The following PIEZO2 variants were observed in gnomAD, a reference collection of about 807,000 sequenced individuals.
The protein encoded by PIEZO2 is piezo-type mechanosensitive ion channel component 2.
Under a neutral mutation model 337.3 loss-of-function variants are expected in PIEZO2, and 172 were observed. The observed-to-expected ratio is 0.51, with a 90% CI of 0.45 to 0.58. The LOEUF is 0.58. Ranked by LOEUF, PIEZO2 falls within the 20% of genes least tolerant of loss-of-function variation. The pLI is 0.00. For missense variants in PIEZO2, 3,028 were observed against 3,391.3 expected, an observed-to-expected ratio of 0.89 and a Z score of 2.66; for synonymous variants, 1,251 against 1,228.5, an observed-to-expected ratio of 1.02 and a Z score of -0.38.
At chr18:10,725,038 G>C (rs536300004) in intron 36 of PIEZO2, 1 of 1,579,968 alleles carries the variant, frequency 6.3e-7, no homozygotes, top group Non-Finnish European at 8.7e-7. Flanking sequence ...CTGCATGTTG[G>C]TGGCCCTGCG....
At chr18:10,678,184 A>T (rs1383831282) in intron 52 of PIEZO2, among the ~76,000 whole-genome samples, 4 of 152,266 alleles carry the variant, frequency 2.6e-5, no homozygotes. Flanking sequence ...TTCTTATATC[A>T]ACCCAATGAT....
chr18:10,916,837 G>T (rs1396157403), intron 3 of PIEZO2, among the ~76,000 whole-genome samples: 1 of 152,202 alleles, frequency 6.6e-6, no homozygotes, highest in East Asian at 1.9e-4. Flanking sequence ...TCACCTCTCA[G>T]TTCTAGTCTT....
intron 47 of PIEZO2, among the ~76,000 whole-genome samples, chr18:10,691,751 T>C (rs1345117061): frequency 2.1e-5 from 2 of 94,312 alleles, no homozygotes; most frequent in African/African-American, 4.7e-5. Context: ...ATATATGATA[T>C]ATTAAAAATA....
At chr18:10,787,234 A>G (rs1237830765) in intron 15 of PIEZO2, 50 bp from the exon 16 acceptor site, 3 of 1,448,380 alleles carry the variant, frequency 2.1e-6, no homozygotes, top group Non-Finnish European at 2.7e-6. Context: ...CACTTTTAGG[A>G]AAACTCACAA....
intron 7 of PIEZO2, among the ~76,000 whole-genome samples, chr18:10,842,183 T>C (rs1444394318): frequency 6.6e-6 from 1 of 152,154 alleles, no homozygotes; most frequent in East Asian, 1.9e-4. Context: ...TGTGCATTTT[T>C]TTATTTTTGT....
At chr18:10,807,610 T>C (rs746668357) in intron 7 of PIEZO2, among the ~76,000 whole-genome samples, 8 of 152,216 alleles carry the variant, frequency 5.3e-5, no homozygotes, top group Non-Finnish European at 1.0e-4. Flanking sequence ...TAATTATTAA[T>C]CAGCCCTATT....
At chr18:10,803,234 C>G (rs78613065) in intron 9 of PIEZO2, among the ~76,000 whole-genome samples, 24 of 152,112 alleles carry the variant, frequency 1.6e-4, no homozygotes, top group Non-Finnish European at 3.2e-4. Flanking sequence ...TTACAGGTAT[C>G]GAACTCTACC....
intron 1 of PIEZO2, among the ~76,000 whole-genome samples, chr18:11,133,794 CTA>C (rs2040405291): frequency 7.1e-6 from 1 of 141,230 alleles, no homozygotes; most frequent in South Asian, 2.3e-4. Flanking sequence ...ACTCCTCTCT[CTA>C]TATATATGTG....
At chr18:11,142,864 G>C (rs530373040) in intron 1 of PIEZO2, among the ~76,000 whole-genome samples, 40 of 151,466 alleles carry the variant, frequency 2.6e-4, no homozygotes, top group African/African-American at 9.2e-4. Context: ...GGATCACGAG[G>C]TCAGGAGATC....
chr18:10,709,621 A>T (rs193089275), intron 39 of PIEZO2: 3 of 152,450 alleles, frequency 2.0e-5, no homozygotes, highest in Admixed American at 1.3e-4. Context: ...TGAGGCAGAG[A>T]TGGAAGACTT....
rs2144533173 is a variant in PIEZO2 at position 10,830,425 on chromosome 18, C to CT, written c.918-23152dup. On this transcript the variant is annotated intron_variant, in intron 7 of 55. Coordinates refer to ENST00000674853, the MANE Select transcript of PIEZO2 (RefSeq NM_001378183.1). The surrounding 1 kb of genome is among the most constrained non-coding windows in gnomAD (Gnocchi z 4.7). ...CACAAGCACAGACAACCAATGCAAC[C>CT]TAGCACCATTTATTGAAGAGACTGT... is the stretch of plus-strand genomic sequence containing the variant. Among the ~76,000 whole-genome samples, 1 of 148,812 alleles carries CT rather than the reference C, an allele frequency of 6.7e-6. No homozygotes were observed. Among genetic ancestry groups the CT allele is most frequent in the Admixed American group, 6.7e-5 (1 of 14,886 alleles).
intron 2 of PIEZO2, among the ~76,000 whole-genome samples, chr18:10,997,703 A>T (rs568018990): frequency 2.6e-3 from 397 of 152,302 alleles, no homozygotes; most frequent in African/African-American, 9.3e-3. Flanking sequence ...TGAAGAAATT[A>T]ATAGAAATTA....
Position 10,801,323 on chromosome 18 carries a change from C to A in PIEZO2, c.1239+67G>T. On this transcript the variant is annotated intron_variant, in intron 10 of 55. Transcript: ENST00000674853. Reference sequence around the variant, plus strand: ...GATCATTAAAATAGACTCAAAGGAGCTACTTCCATTTGTTGCCTTTACATC... The same window carrying A: ...GATCATTAAAATAGACTCAAAGGAGATACTTCCATTTGTTGCCTTTACATC... 4 of 1,321,452 alleles carry A rather than the reference C, an allele frequency of 3.0e-6. No individual in the cohort carries two copies. In the South Asian group the frequency reaches 5.5e-5, roughly 18 times the overall value. 81.9% of individuals were successfully genotyped at this position (1,321,452 alleles called of 1,614,324 possible). A position where few individuals can be genotyped will look rare whatever the true frequency, so the allele number is the denominator to read the frequency against.
intron 2 of PIEZO2, among the ~76,000 whole-genome samples, chr18:11,057,201 C>T (rs1253506264): frequency 6.6e-6 from 1 of 152,112 alleles, no homozygotes; most frequent in East Asian, 1.9e-4. Context: ...TTTGGCTCCC[C>T]CCAGCCTTCC....
chr18:11,001,478 A>G lies in PIEZO2; in HGVS notation c.161-21818T>C, dbSNP rs1337661673. Among the ~76,000 whole-genome samples the G allele has an allele frequency of 6.6e-6, 1 of 152,182 alleles. No homozygotes were observed. Among genetic ancestry groups the G allele is most frequent in the African/African-American group, 2.4e-5 (1 of 41,452 alleles). On this transcript the variant is annotated intron_variant, in intron 2 of 55. Transcript: ENST00000674853. This position sits in a 1 kb window ranked among gnomAD's most constrained non-coding sequence, Gnocchi z 5.3. ...GAGATGACTTCACTGTCAGACAGTG[A>G]AAATCACGACTGTGATTATCCTCCA...
In PIEZO2 at chr18:10,773,620, G is replaced by A. The variant is rs1219322084; in HGVS notation, c.2577C>T (p.His859=). ...KLPIHQNELA[H]PEGSLPDLTM... is the part of the protein sequence containing the mutation. ...TGAGGTCCGGGAGGCTTCCTTCCGG[G>A]TGGGCCAGTCTGTTGGCAGAGAGCA... The change falls in exon 20 of 56, where the codon CAC becomes CAT. Residue 859 remains histidine, a synonymous_variant. Coordinates refer to ENST00000674853, the MANE Select transcript of PIEZO2 (RefSeq NM_001378183.1). This position sits in a 1 kb window ranked among gnomAD's most constrained non-coding sequence, Gnocchi z 5.3. The A allele has an allele frequency of 5.9e-6, 9 of 1,537,142 alleles. No homozygotes were observed. The highest frequency in any genetic ancestry group is 7.8e-6 in the Non-Finnish European group (9 of 1,146,920).
In PIEZO2 at chr18:10,871,528, C is replaced by T. The variant is rs146623408; in HGVS notation, c.330-113G>A. 162 of 1,024,642 alleles carry T rather than the reference C, an allele frequency of 1.6e-4. No individual in the cohort carries two copies. The East Asian group carries it at 3.2e-3, about 20-fold the overall frequency. 63.5% of individuals were successfully genotyped at this position (1,024,642 alleles called of 1,614,324 possible). On this transcript the variant is annotated intron_variant, in intron 4 of 55. Transcript: ENST00000674853. Reference sequence around the variant, plus strand: ...TAATGATTTAAAATAAAAGATGCTCCGTTTCTCCCTAAAAGGTACAAGAAA... The same window carrying T: ...TAATGATTTAAAATAAAAGATGCTCTGTTTCTCCCTAAAAGGTACAAGAAA...
At chr18:10,886,376 GTGTGTATATA>G (rs1298671706) in intron 4 of PIEZO2, among the ~76,000 whole-genome samples, 770 of 13,768 alleles carry the variant, frequency 0.056, 49 homozygotes, top group African/African-American at 0.087. Flanking sequence ...ATATGTGTGT[GTGTGTATATA>G]TATATATATA....
At chr18:10,697,675 CTGG>C (rs2035155348) in intron 45 of PIEZO2, 70 bp downstream of exon 45, 1 of 1,550,742 alleles carries the variant, frequency 6.4e-7, no homozygotes, top group Non-Finnish European at 8.7e-7. Context: ...TGCTCTGCTC[CTGG>C]TTTATAGGAA....
Sources: gnomAD v4.1 joint callset for allele counts (sites outside exome capture counted in the v4.1 genomes callset) on GRCh38, gnomAD v4.1.1 for gene constraint, Gnocchi (gnomAD v3.1) non-coding constraint, MANE v1.5 for transcripts, NCBI Gene and HGNC (gene_info 2026-07-23, HGNC 2026-07-21) for gene names.